GNAI1: variants seen among roughly 807,000 people sequenced by gnomAD.
GNAI1 encodes the protein G protein subunit alpha i1, also known as guanine nucleotide-binding protein G(i) subunit alpha-1.
In GNAI1, 11 loss-of-function variants were observed where a neutral mutation model predicts 38.9. The ratio of observed to expected loss-of-function variants is 0.28; its 90% CI spans 0.18 to 0.47. The LOEUF is 0.47. Ranked by LOEUF, GNAI1 falls within the 20% of genes least tolerant of loss-of-function variation. The probability of loss-of-function intolerance (pLI) is 0.99; values close to 1 mark genes in which losing one functional copy is unlikely to be tolerated. For synonymous variants in GNAI1, 166 were observed against 145.1 expected, an observed-to-expected ratio of 1.14 and a Z score of -1.04; for missense variants, 317 against 436.9, an observed-to-expected ratio of 0.73 and a Z score of 2.45.
chr7:80,212,009 G>T (rs1788884279), intron 6 of GNAI1, among the ~76,000 whole-genome samples: 1 of 152,080 alleles, frequency 6.6e-6, no homozygotes. Flanking sequence ...TTTCCTATGT[G>T]TGGGTTCCAC....
rs1789005628 is a variant in GNAI1, at chr7:80,218,142, A to G, written c.*649A>G. 1 of 152,356 alleles carries G rather than the reference A, an allele frequency of 6.6e-6. No homozygotes were observed. The highest frequency in any genetic ancestry group is 1.5e-5 in the Non-Finnish European group (1 of 68,014). The allele number at this position is 152,356 out of a possible 1,614,324, so 9.4% of individuals were successfully genotyped here. ...ACACCTGCCTTTGGATCAACTATTT[A>G]AACATTGTATGCATTTTGATTTTTC... On this transcript the variant is annotated 3_prime_UTR_variant, in exon 8 of 8. Transcript: ENST00000649796.
chr7:80,207,768 C>T, intron 5 of GNAI1, among the ~76,000 whole-genome samples: 1 of 151,938 alleles, frequency 6.6e-6, no homozygotes, highest in African/African-American at 2.4e-5. Flanking sequence ...TTCAGTTTCA[C>T]ATTAAAAAAT....
At chr7:80,193,209 C>T (rs1305925725) in intron 3 of GNAI1, among the ~76,000 whole-genome samples, 3 of 152,078 alleles carry the variant, frequency 2.0e-5, no homozygotes, top group Non-Finnish European at 4.4e-5. Context: ...CAGCTTAATT[C>T]CCCCACAACC....
intron 5 of GNAI1, among the ~76,000 whole-genome samples, chr7:80,210,560 A>G (rs951293005): frequency 6.6e-6 from 1 of 152,076 alleles, no homozygotes; most frequent in Non-Finnish European, 1.5e-5. Flanking sequence ...ATGTTCCGTG[A>G]CTGTGGCAAA....
At chr7:80,139,318 A>G (rs765459689) in intron 1 of GNAI1, among the ~76,000 whole-genome samples, 51 of 152,148 alleles carry the variant, frequency 3.4e-4, no homozygotes, top group Non-Finnish European at 5.9e-4. Context: ...TACTGCAGAT[A>G]TCATGCTGCT....
intron 3 of GNAI1, among the ~76,000 whole-genome samples, chr7:80,195,183 A>G (rs960605416): frequency 6.6e-6 from 1 of 151,804 alleles, no homozygotes; most frequent in African/African-American, 2.4e-5. Flanking sequence ...ATATCTATAC[A>G]TGTATAAGAT....
At chr7:80,145,648 C>T (rs1386786586) in intron 1 of GNAI1, among the ~76,000 whole-genome samples, 1 of 152,060 alleles carries the variant, frequency 6.6e-6, no homozygotes, top group East Asian at 1.9e-4. Flanking sequence ...CTGGCTTTTT[C>T]AAAGCCATTT....
chr7:80,156,511 C>G (rs1787821312), intron 1 of GNAI1, among the ~76,000 whole-genome samples: 1 of 152,018 alleles, frequency 6.6e-6, no homozygotes, highest in African/African-American at 2.4e-5. Context: ...TCACTCTAAC[C>G]TCAGACTCCT....
intron 1 of GNAI1, among the ~76,000 whole-genome samples, chr7:80,159,673 G>A (rs1351142400): frequency 6.6e-6 from 1 of 152,104 alleles, no homozygotes; most frequent in Non-Finnish European, 1.5e-5. Context: ...TTTCCTGTTT[G>A]GATGGTGGAG....
chr7:80,171,345 A>G (rs1584025157), intron 1 of GNAI1, among the ~76,000 whole-genome samples: 1 of 152,138 alleles, frequency 6.6e-6, no homozygotes, highest in East Asian at 1.9e-4. Context: ...TGCGTGTGAA[A>G]TAGTGCAGGG....
chr7:80,188,842 CAGAG>C lies in GNAI1; in HGVS notation c.119-103_119-100del, dbSNP rs550218045. 6.8e-4 allele frequency: 500 copies of C among 733,252 alleles called. 1 individual carries two copies. Among genetic ancestry groups the C allele is most frequent in the Middle Eastern group, 4.6e-3 (12 of 2,586 alleles). The allele number at this position is 733,252 out of a possible 1,614,324, so 45.4% of individuals were successfully genotyped here. On this transcript the variant is annotated intron_variant, in intron 1 of 7. Transcript: ENST00000649796. ...AATTCAGCTCTAAGAGGTAGACACA[CAGAG>C]AGAGACTGGGTGTGTGTGTGTGTGT...
At chr7:80,140,142 C>T (rs1488652920) in intron 1 of GNAI1, among the ~76,000 whole-genome samples, 4 of 152,058 alleles carry the variant, frequency 2.6e-5, no homozygotes. Flanking sequence ...TGCCACCACG[C>T]CCGGCTAATT....
intron 1 of GNAI1, among the ~76,000 whole-genome samples, chr7:80,175,345 A>AT (rs1301489590): frequency 2.0e-5 from 3 of 149,886 alleles, no homozygotes; most frequent in East Asian, 3.9e-4. Flanking sequence ...GAAATTAAAA[A>AT]ATATATATGT....
At chr7:80,152,967 A>G (rs1787754470) in intron 1 of GNAI1, among the ~76,000 whole-genome samples, 1 of 152,200 alleles carries the variant, frequency 6.6e-6, no homozygotes, top group Non-Finnish European at 1.5e-5. Context: ...GAGGCAATTA[A>G]ATATCCTGAA....
At chr7:80,158,088 A>G (rs1393894007) in intron 1 of GNAI1, among the ~76,000 whole-genome samples, 3 of 152,006 alleles carry the variant, frequency 2.0e-5, no homozygotes. Flanking sequence ...CCCATTTTTA[A>G]ACTAAGTTAT....
intron 7 of GNAI1, 119 bp downstream of exon 7, chr7:80,212,988 A>G (rs1440008551): frequency 1.5e-6 from 1 of 673,816 alleles, no homozygotes; most frequent in Non-Finnish European, 2.5e-6. Context: ...TAGACCTTTA[A>G]GGGGTATTAT....
intron 1 of GNAI1, among the ~76,000 whole-genome samples, chr7:80,158,407 C>A (rs1040883041): frequency 6.6e-6 from 1 of 152,176 alleles, no homozygotes; most frequent in Non-Finnish European, 1.5e-5. Context: ...ACCCAAATCT[C>A]ATCTCGAATT....
chr7:80,181,773 A>C (rs2115604109), intron 1 of GNAI1, among the ~76,000 whole-genome samples: 1 of 152,274 alleles, frequency 6.6e-6, no homozygotes, highest in East Asian at 1.9e-4. Context: ...GATACATAAA[A>C]ATTATATATA....
At chr7:80,201,950 G>C (rs574166858) in intron 4 of GNAI1, among the ~76,000 whole-genome samples, 1 of 152,216 alleles carries the variant, frequency 6.6e-6, no homozygotes, top group Non-Finnish European at 1.5e-5. Context: ...GGACTGACTA[G>C]CCACCAATTC....
Sources: allele counts gnomAD v4.1 joint callset (sites outside exome capture counted in the v4.1 genomes callset), GRCh38; gene constraint gnomAD v4.1.1; transcripts MANE v1.5; gene names NCBI Gene and HGNC (gene_info 2026-07-23, HGNC 2026-07-21).